The following PPP1R12B variants were observed in gnomAD, a reference collection of about 807,000 sequenced individuals.
PPP1R12B encodes the protein myosin phosphatase target subunit 2.
PPP1R12B carries 76 observed loss-of-function variants against 126.1 expected under a neutral mutation model. The observed-to-expected ratio is 0.60, with a 90% CI of 0.50 to 0.73. The LOEUF is 0.73. PPP1R12B is among the 30% of genes least tolerant of loss of function. PPP1R12B has a pLI of 0.00. For missense variants in PPP1R12B, 1,052 were observed against 1,205.1 expected, an observed-to-expected ratio of 0.87 and a Z score of 1.88; for synonymous variants, 356 against 434.7, an observed-to-expected ratio of 0.82 and a Z score of 2.25.
At chr1:202,427,330 C>T in intron 5 of PPP1R12B, 146 bp downstream of exon 5, 3 of 1,133,166 alleles carry the variant, frequency 2.6e-6, no homozygotes, top group Non-Finnish European at 3.7e-6. Context: ...CACCACCCTG[C>T]CTCTGGCCCT....
intron 13 of PPP1R12B, among the ~76,000 whole-genome samples, chr1:202,456,595 AC>A (rs1370793004): frequency 6.6e-6 from 1 of 152,196 alleles, no homozygotes; most frequent in Non-Finnish European, 1.5e-5. Flanking sequence ...TAACTAAGAA[AC>A]TATATCAAGC....
chr1:202,418,640 TG>T (rs1668393284), intron 2 of PPP1R12B, among the ~76,000 whole-genome samples: 1 of 152,202 alleles, frequency 6.6e-6, no homozygotes, highest in South Asian at 2.1e-4. Flanking sequence ...AAATTAAACT[TG>T]GAAGTCTGAC....
At chr1:202,481,115 G>T (rs1356786431) in intron 13 of PPP1R12B, among the ~76,000 whole-genome samples, 1 of 152,182 alleles carries the variant, frequency 6.6e-6, no homozygotes, top group Non-Finnish European at 1.5e-5. Flanking sequence ...GTCCCTATGA[G>T]AATCTAATGC....
At chr1:202,448,686 T>A (rs537664760) in intron 12 of PPP1R12B, 159 of 326,088 alleles carry the variant, frequency 4.9e-4, no homozygotes, top group Non-Finnish European at 8.5e-4. Context: ...TTTAAAACAC[T>A]CTTGCATATG....
At chr1:202,380,163 G>A (rs1268796423) in intron 1 of PPP1R12B, among the ~76,000 whole-genome samples, 1 of 151,832 alleles carries the variant, frequency 6.6e-6, no homozygotes, top group East Asian at 1.9e-4. Flanking sequence ...TCTATGCCTC[G>A]TAAAACCCTC....
intron 12 of PPP1R12B, among the ~76,000 whole-genome samples, chr1:202,446,252 A>ATTTTTT (rs1441894134): frequency 2.8e-4 from 16 of 57,238 alleles, no homozygotes; most frequent in African/African-American, 1.2e-3. Context: ...ATATATATAT[A>ATTTTTT]TATATTTTTT....
chr1:202,546,943 G>C (rs1369261890), intron 18 of PPP1R12B, among the ~76,000 whole-genome samples: 8 of 152,138 alleles, frequency 5.3e-5, no homozygotes, highest in Non-Finnish European at 1.2e-4. Flanking sequence ...ATCACCACTG[G>C]AATCACATGC....
At chr1:202,363,720 A>G (rs1658626167) in intron 1 of PPP1R12B, among the ~76,000 whole-genome samples, 1 of 152,190 alleles carries the variant, frequency 6.6e-6, no homozygotes, top group African/African-American at 2.4e-5. Context: ...CAAAAAGAAC[A>G]TTAGAGGACA....
intron 12 of PPP1R12B, among the ~76,000 whole-genome samples, chr1:202,446,052 C>T (rs1274812325): frequency 6.6e-6 from 1 of 151,542 alleles, no homozygotes; most frequent in Non-Finnish European, 1.5e-5. Flanking sequence ...ATTAATTCAG[C>T]CAGGAGGGAA....
At chr1:202,568,728 C>T (rs191046546) in intron 22 of PPP1R12B, among the ~76,000 whole-genome samples, 1 of 152,278 alleles carries the variant, frequency 6.6e-6, no homozygotes, top group East Asian at 1.9e-4. Context: ...ATCTGCTCCT[C>T]ATCATGAGAG....
At chr1:202,430,971 G>A (rs943721057) in intron 7 of PPP1R12B, among the ~76,000 whole-genome samples, 161 bp downstream of exon 7, 2 of 152,184 alleles carry the variant, frequency 1.3e-5, no homozygotes, top group Non-Finnish European at 2.9e-5. Context: ...ACAAGAGAGT[G>A]GCATTGATAT....
At chr1:202,357,351 A>G (rs529170569) in intron 1 of PPP1R12B, among the ~76,000 whole-genome samples, 1 of 152,332 alleles carries the variant, frequency 6.6e-6, no homozygotes, top group South Asian at 2.1e-4. Flanking sequence ...GGATTTGGTC[A>G]TTTAAACTTT....
At chr1:202,356,140 C>T (rs1657051206) in intron 1 of PPP1R12B, among the ~76,000 whole-genome samples, 1 of 152,152 alleles carries the variant, frequency 6.6e-6, no homozygotes, top group Admixed American at 6.5e-5. Flanking sequence ...GTGTTCACAC[C>T]ACTGCACTCC....
intron 13 of PPP1R12B, among the ~76,000 whole-genome samples, chr1:202,458,177 G>A (rs1377188908): frequency 6.7e-6 from 1 of 149,380 alleles, no homozygotes; most frequent in East Asian, 2.0e-4. Flanking sequence ...TTTGGAAATT[G>A]TCAAGCTAGA....
At position 202,582,146 on chromosome 1, in the gene PPP1R12B, G is replaced by C. The variant is rs1271577907; in HGVS notation, c.*1586G>C. The C allele has an allele frequency of 6.6e-6, 1 of 152,308 alleles. No homozygotes were observed. The highest frequency in any genetic ancestry group is 1.9e-4 in the East Asian group (1 of 5,182). The allele number at this position is 152,308 out of a possible 1,614,324, so 9.4% of individuals were successfully genotyped here. A position where few individuals can be genotyped will look rare whatever the true frequency, so the allele number is the denominator to read the frequency against. On this transcript the variant is annotated 3_prime_UTR_variant, in exon 24 of 24. Coordinates refer to ENST00000608999, the MANE Select transcript of PPP1R12B (RefSeq NM_002481.4). The stretch of plus-strand genomic sequence containing the variant: ...AACTCTTTAACGGCACTTGAGATAT[G>C]TGCAGTGGGTGGTCTCCCCCTCAGT...
At position 202,438,941 on chromosome 1, in the gene PPP1R12B, G is replaced by A. The variant is rs148596685; in HGVS notation, c.1458+917G>A. ...CCTGGAGGTGACCCCGAAGACGGCC[G>A]TGGACTGGCCTGACCTGGAGATGCT... On this transcript the variant is annotated intron_variant, in intron 10 of 23. Transcript: ENST00000608999. 4.5e-4 allele frequency: 683 copies of A among 1,532,748 alleles called. 6 individuals carry two copies. In the East Asian group the frequency reaches 0.015, roughly 33 times the overall value. 94.9% of individuals were successfully genotyped at this position (1,532,748 alleles called of 1,614,324 possible).
At chr1:202,359,507 C>A (rs942957738) in intron 1 of PPP1R12B, among the ~76,000 whole-genome samples, 8 of 151,884 alleles carry the variant, frequency 5.3e-5, no homozygotes, top group African/African-American at 1.9e-4. Context: ...ATCAGCTGGG[C>A]GTGGTGGCTC....
At chr1:202,492,822 G>C (rs1399830807) in intron 14 of PPP1R12B, among the ~76,000 whole-genome samples, 1 of 152,038 alleles carries the variant, frequency 6.6e-6, no homozygotes, top group African/African-American at 2.4e-5. Flanking sequence ...TATTTGGTAT[G>C]GAAAAAGTAC....
chr1:202,426,919 G>A, intron 4 of PPP1R12B, 121 bp from the exon 5 acceptor site: 1 of 1,343,466 alleles, frequency 7.4e-7, no homozygotes, highest in Non-Finnish European at 1.0e-6. Context: ...GAGGGCAGAA[G>A]TAATCATAAG....
Sources: gnomAD v4.1 joint callset for allele counts (sites outside exome capture counted in the v4.1 genomes callset) on GRCh38, gnomAD v4.1.1 for gene constraint, MANE v1.5 for transcripts, NCBI Gene and HGNC (gene_info 2026-07-23, HGNC 2026-07-21) for gene names.